The following ACOT9 variants were observed in gnomAD, a reference collection of about 807,000 sequenced individuals.
The protein encoded by ACOT9 is acyl-CoA thioesterase 9.
Under a neutral mutation model 39.7 loss-of-function variants are expected in ACOT9, and 34 were observed. The ratio of observed to expected loss-of-function variants is 0.86; its 90% CI spans 0.65 to 1.14. ACOT9 has a LOEUF of 1.14. ACOT9 is among the 50% of genes most tolerant of loss of function. The probability of loss-of-function intolerance (pLI) is 0.00; values close to 1 mark genes in which losing one functional copy is unlikely to be tolerated. For synonymous variants in ACOT9, 110 were observed against 120.5 expected (o/e 0.91, Z 0.57); for missense variants, 313 against 344.1 (o/e 0.91, Z 0.71).
intron 8 of ACOT9, among the ~76,000 whole-genome samples, chrX:23,720,413 C>T (rs987950620): frequency 9.0e-5 from 10 of 111,449 alleles, no homozygotes; most frequent in African/African-American, 3.3e-4. Flanking sequence ...TCGTTGCAGA[C>T]ATAATTAGTT....
At chrX:23,707,507 G>A (rs946019664) in intron 10 of ACOT9, among the ~76,000 whole-genome samples, 1 of 111,716 alleles carries the variant, frequency 9.0e-6, no homozygotes, top group Non-Finnish European at 1.9e-5. Flanking sequence ...GGGAGGCCAA[G>A]GCAGGCGGAT....
intron 2 of ACOT9, 52 bp from the exon 3 acceptor site, chrX:23,734,419 A>G (rs780307006): frequency 1.4e-5 from 14 of 1,029,392 alleles, no homozygotes; most frequent in Non-Finnish European, 1.9e-5. Context: ...ATTCAAAACT[A>G]AAAGATAAAT....
Position 23,706,363 on chromosome X carries a change from A to G in ACOT9, c.842+265T>C, listed in dbSNP as rs746881622. ...TCACCTGAGGTCAGGAGTTCAAGACAAGCCTGACCAACATGGAGAAACCCC... is the reference window on the plus strand; with the variant it reads ...TCACCTGAGGTCAGGAGTTCAAGACGAGCCTGACCAACATGGAGAAACCCC... On this transcript the variant is annotated intron_variant, in intron 11 of 15. Transcript: ENST00000379303. Among the ~76,000 whole-genome samples, 6 of 108,167 alleles carry G rather than the reference A, an allele frequency of 5.5e-5. No individual in the cohort carries two copies. In the East Asian group the frequency reaches 1.8e-3, roughly 32 times the overall value. 93.9% of individuals were successfully genotyped at this position (108,167 alleles called of 115,157 possible).
At chrX:23,729,604 T>C (rs1929656309) in intron 6 of ACOT9, among the ~76,000 whole-genome samples, 1 of 102,624 alleles carries the variant, frequency 9.7e-6, no homozygotes, top group Admixed American at 1.1e-4. Context: ...CAGCCACTTA[T>C]TCTCACATAA....
chrX:23,737,387 A>G (rs908366728), intron 1 of ACOT9, among the ~76,000 whole-genome samples: 1 of 111,945 alleles, frequency 8.9e-6, no homozygotes, highest in African/African-American at 3.2e-5. Flanking sequence ...TTCCAGTTCA[A>G]TTTACTAGTA....
chrX:23,742,404 T>C (rs1242213345), intron 1 of ACOT9, among the ~76,000 whole-genome samples: 1 of 110,258 alleles, frequency 9.1e-6, no homozygotes, highest in Non-Finnish European at 1.9e-5. Flanking sequence ...GGCAGAAAAC[T>C]TGGAAAGGGT....
intron 15 of ACOT9, 127 bp from the exon 16 acceptor site, chrX:23,704,109 T>C: frequency 4.0e-6 from 2 of 496,565 alleles, no homozygotes; most frequent in South Asian, 6.3e-5. Context: ...GGCCGGGGTG[T>C]GCCACATTCC....
Position 23,742,261 on chromosome X carries a change from C to T in ACOT9, c.20+864G>A, listed in dbSNP as rs1353333691. Among the ~76,000 whole-genome samples, 7 of 35,126 alleles carry T rather than the reference C, an allele frequency of 2.0e-4. No individual in the cohort carries two copies. The East Asian group carries it at 5.6e-3, about 28-fold the overall frequency. The allele number at this position is 35,126 out of a possible 115,157, so 30.5% of individuals were successfully genotyped here. A position where few individuals can be genotyped will look rare whatever the true frequency, so the allele number is the denominator to read the frequency against. ...GGGAGAGAGAGAGAGAGAGAGATAT[C>T]CAGGACCCCCAAGAGAATTGATGGG... On this transcript the variant is annotated intron_variant, in intron 1 of 15. Coordinates refer to ENST00000379303, the MANE Select transcript of ACOT9 (RefSeq NM_001037171.2).
chrX:23,738,346 T>C (rs769518294), intron 1 of ACOT9, among the ~76,000 whole-genome samples: 1,121 of 109,081 alleles, frequency 0.01, 17 homozygotes, highest in African/African-American at 0.036. Context: ...TGGTGGCTCA[T>C]GCCTGTAATC....
In ACOT9 at chrX:23,707,806, TTAAA is replaced by T. The variant is rs1928752059; in HGVS notation, c.730+67_730+70del. ...TGGTATGAAGAGCCCATATAAAATC[TTAAA>T]TAATCTCTTCTGCAGCGTAATTAAT... is the stretch of plus-strand genomic sequence containing the variant. On this transcript the variant is annotated intron_variant, in intron 10 of 15. Transcript: ENST00000379303. The T allele has an allele frequency of 8.6e-6, 7 of 813,214 alleles. No individual in the cohort carries two copies. In the East Asian group the frequency reaches 2.1e-4, roughly 25 times the overall value. The allele number at this position is 813,214 out of a possible 1,213,427, so 67.0% of individuals were successfully genotyped here. A position where few individuals can be genotyped will look rare whatever the true frequency, so the allele number is the denominator to read the frequency against.
At chrX:23,724,911 C>T (rs894146293) in intron 6 of ACOT9, among the ~76,000 whole-genome samples, 10 of 110,457 alleles carry the variant, frequency 9.1e-5, no homozygotes, top group Non-Finnish European at 1.3e-4. Flanking sequence ...CACTACAGCC[C>T]GGGCAACAGA....
In ACOT9 at chrX:23,703,158, TAGAG is replaced by T. The variant is rs1302533599; in HGVS notation, c.*732_*735del. The T allele has an allele frequency of 9.0e-6, 1 of 111,308 alleles. No individual in the cohort carries two copies. Among genetic ancestry groups the T allele is most frequent in the African/African-American group, 3.3e-5 (1 of 30,588 alleles). The allele number at this position is 111,308 out of a possible 1,213,427, so 9.2% of individuals were successfully genotyped here. A position where few individuals can be genotyped will look rare whatever the true frequency, so the allele number is the denominator to read the frequency against. On this transcript the variant is annotated 3_prime_UTR_variant, in exon 16 of 16. Coordinates refer to ENST00000379303, the MANE Select transcript of ACOT9 (RefSeq NM_001037171.2). ...CCCTCTGACAACAAAAGCTGGGAAA[TAGAG>T]GGAAGCAAAGGAATCATGTACGGCT...
At position 23,710,663 on chromosome X, in the gene ACOT9, G is replaced by A. The variant is rs776374765; in HGVS notation, c.662+2472C>T. On this transcript the variant is annotated intron_variant, in intron 9 of 15. Coordinates refer to ENST00000379303, the MANE Select transcript of ACOT9 (RefSeq NM_001037171.2). ...GAGCCCAGGATTTTGAGATCAGTTT[G>A]GCCAACATGGCAAAACCCCATCTCT... Among the ~76,000 whole-genome samples the A allele has an allele frequency of 7.2e-5, 8 of 111,460 alleles. No individual in the cohort carries two copies. The South Asian group carries it at 2.2e-3, about 31-fold the overall frequency.
intron 6 of ACOT9, 96 bp from the exon 7 acceptor site, chrX:23,722,849 C>T (rs1222610933): frequency 9.7e-6 from 5 of 513,664 alleles, no homozygotes; most frequent in East Asian, 7.4e-5. Context: ...AGCCTTGTCT[C>T]GCTTGGAAGA....
intron 1 of ACOT9, among the ~76,000 whole-genome samples, chrX:23,736,501 T>C (rs1254850769): frequency 8.9e-6 from 1 of 112,138 alleles, no homozygotes; most frequent in African/African-American, 3.2e-5. Context: ...ACGCAGAAAT[T>C]TTCTAGAGTC....
In ACOT9 at chrX:23,730,761, A is replaced by G. The variant is rs566937589; in HGVS notation, c.362+55T>C. 361 of 1,102,093 alleles carry G rather than the reference A, an allele frequency of 3.3e-4. 5 individuals are homozygous for G. In the South Asian group the frequency reaches 6.9e-3, roughly 21 times the overall value. The allele number at this position is 1,102,093 out of a possible 1,213,427, so 90.8% of individuals were successfully genotyped here. ...GTATGGTGTGTGAATTATATTTCAA[A>G]ATTGTTATAAAACAAGGAAATAAAA... On this transcript the variant is annotated intron_variant, in intron 5 of 15. Transcript: ENST00000379303.
At chrX:23,724,222 G>A (rs753955197) in intron 6 of ACOT9, among the ~76,000 whole-genome samples, 3 of 111,042 alleles carry the variant, frequency 2.7e-5, no homozygotes, top group South Asian at 3.8e-4. Context: ...TGATCATGCC[G>A]CTACACTCCA....
intron 2 of ACOT9, among the ~76,000 whole-genome samples, chrX:23,735,309 T>G (rs1929913440): frequency 2.0e-5 from 2 of 102,476 alleles, no homozygotes; most frequent in Non-Finnish European, 3.9e-5. Flanking sequence ...CATGGACTAC[T>G]GATGCTCACT....
In ACOT9 at chrX:23,704,995, G is replaced by C. The variant is rs781695729; in HGVS notation, c.1105C>G (p.Gln369Glu). The C allele has an allele frequency of 7.5e-6, 9 of 1,207,908 alleles. No individual in the cohort carries two copies. In the South Asian group the frequency reaches 1.6e-4, roughly 21 times the overall value. Residue 369 changes from glutamine to glutamate, a missense_variant and splice_region_variant, in exon 14 of 16, where the codon CAG becomes GAG. Gln to Glu is a conservative substitution (Grantham distance 29, BLOSUM62 2). Transcript: ENST00000379303. ...GTCATCTCTCATCACACACCTACCT[G>C]TGAAGAAAGAAAGAGCAATGAGCCA... The part of the protein sequence containing the change: ...EVGSLLFLSS[Q>E]VCFTQNNYIQ...
Sources: allele counts gnomAD v4.1 joint callset (sites outside exome capture counted in the v4.1 genomes callset), GRCh38; gene constraint gnomAD v4.1.1; transcripts MANE v1.5; gene names NCBI Gene and HGNC (gene_info 2026-07-23, HGNC 2026-07-21).